Variants in SEPTIN7 observed in about 807,000 individuals in gnomAD.
SEPTIN7 encodes the protein septin 7, also known as septin-7.
In SEPTIN7, 10 loss-of-function variants were observed where a neutral mutation model predicts 63.3. The ratio of observed to expected loss-of-function variants is 0.16; its 90% confidence interval spans 0.10 to 0.27. SEPTIN7 has a LOEUF of 0.27. SEPTIN7 is among the 10% of genes least tolerant of loss of function. The pLI, the probability that SEPTIN7 is intolerant of heterozygous loss-of-function variation, is 1.00. For missense variants in SEPTIN7, 310 were observed against 521.0 expected (o/e 0.59, Z 3.94); for synonymous variants, 131 against 165.3 (o/e 0.79, Z 1.59).
intron 13 of SEPTIN7, among the ~76,000 whole-genome samples, chr7:35,903,582 A>C (rs1788450353): frequency 6.6e-6 from 1 of 152,134 alleles, no homozygotes; most frequent in South Asian, 2.1e-4. Context: ...TCTATTACAT[A>C]TTTAGGGGTA....
At chr7:35,803,398 T>TG (rs1788123427) in intron 1 of SEPTIN7, among the ~76,000 whole-genome samples, 1 of 152,048 alleles carries the variant, frequency 6.6e-6, no homozygotes. Context: ...CAACAAAGCT[T>TG]GGGGGAGAAG....
intron 11 of SEPTIN7, among the ~76,000 whole-genome samples, chr7:35,891,524 A>G (rs1046340928): frequency 3.9e-5 from 6 of 152,192 alleles, no homozygotes; most frequent in African/African-American, 1.2e-4. Context: ...GTATCTAAAC[A>G]TAGAAAAGGT....
chr7:35,824,161 C>G (rs1030693928), intron 1 of SEPTIN7, among the ~76,000 whole-genome samples: 2 of 151,942 alleles, frequency 1.3e-5, no homozygotes, highest in African/African-American at 4.8e-5. Flanking sequence ...AGTCTGCCTT[C>G]TTCCCCTATC....
chr7:35,823,109 AAG>A (rs1424166687), intron 1 of SEPTIN7, among the ~76,000 whole-genome samples: 3 of 152,198 alleles, frequency 2.0e-5, no homozygotes, highest in Non-Finnish European at 4.4e-5. Context: ...ATATTAAAAA[AAG>A]AAATAATAAC....
intron 3 of SEPTIN7, among the ~76,000 whole-genome samples, chr7:35,841,892 T>A (rs1013111024): frequency 2.6e-5 from 4 of 152,246 alleles, no homozygotes; most frequent in African/African-American, 9.6e-5. Flanking sequence ...GTCTAGGTCA[T>A]GGAGGCCAAA....
intron 1 of SEPTIN7, among the ~76,000 whole-genome samples, chr7:35,809,135 C>T (rs902126549): frequency 1.3e-5 from 2 of 152,188 alleles, no homozygotes; most frequent in African/African-American, 4.8e-5. Flanking sequence ...TTAACAAATA[C>T]ACGTTTTGTA....
the SEPTIN7 span, among the ~76,000 whole-genome samples, chr7:35,914,680 CACACAT>C: frequency 1.3e-5 from 2 of 151,794 alleles, no homozygotes; most frequent in African/African-American, 4.8e-5. Flanking sequence ...TATACACACA[CACACAT>C]AAATATATAT....
At chr7:35,915,463 C>T in the SEPTIN7 span, among the ~76,000 whole-genome samples, 1 of 152,206 alleles carries the variant, frequency 6.6e-6, no homozygotes, top group East Asian at 1.9e-4. Flanking sequence ...TTGCTGCAGG[C>T]ACTGACCAAT....
At position 35,905,541 on chromosome 7, in the gene SEPTIN7, C is replaced by T. The variant is rs1047553303; in HGVS notation, c.*1248C>T. 4.6e-5 allele frequency: 7 copies of T among 152,028 alleles called. No individual in the cohort carries two copies. The highest frequency in any genetic ancestry group is 1.3e-4 in the Admixed American group (2 of 15,260). 9.4% of individuals were successfully genotyped at this position (152,028 alleles called of 1,614,324 possible). ...GAGAACATTTTTTTTTTCCCCCAGA[C>T]AGGGTCTTGCTTCATTGCCCAGGCT... On this transcript the variant is annotated 3_prime_UTR_variant, in exon 14 of 14. Transcript: ENST00000350320.
At chr7:35,805,399 C>T (rs1251935261) in intron 1 of SEPTIN7, among the ~76,000 whole-genome samples, 1 of 152,034 alleles carries the variant, frequency 6.6e-6, no homozygotes, top group African/African-American at 2.4e-5. Flanking sequence ...ACTATAAGCC[C>T]CAATTTTTTA....
intron 4 of SEPTIN7, among the ~76,000 whole-genome samples, chr7:35,868,331 G>A (rs2467050): frequency 0.8 from 122,289 of 152,174 alleles, 49,304 homozygotes; most frequent in Middle Eastern, 0.85. Context: ...CCTGTTGACA[G>A]CTGGTCCAGT....
At chr7:35,863,512 G>A in intron 3 of SEPTIN7, 40 bp from the exon 4 acceptor site, 1 of 1,235,976 alleles carries the variant, frequency 8.1e-7, no homozygotes, top group Non-Finnish European at 1.2e-6. Context: ...ATTGCGTAAA[G>A]TGGGTGAGTT....
At chr7:35,813,964 G>A (rs554184046) in intron 1 of SEPTIN7, among the ~76,000 whole-genome samples, 17 of 152,140 alleles carry the variant, frequency 1.1e-4, no homozygotes, top group African/African-American at 4.1e-4. Context: ...TAGTATTGCT[G>A]CTAAGTCATT....
At chr7:35,859,476 G>A (rs370698087) in intron 3 of SEPTIN7, among the ~76,000 whole-genome samples, 1 of 152,228 alleles carries the variant, frequency 6.6e-6, no homozygotes, top group East Asian at 1.9e-4. Context: ...GTTGTTGGAT[G>A]CAGTGTTTTG....
intron 3 of SEPTIN7, among the ~76,000 whole-genome samples, chr7:35,861,659 A>C (rs17171997): frequency 0.01 from 1,562 of 152,244 alleles, 32 homozygotes; most frequent in East Asian, 0.079. Context: ...TTATGCCCCA[A>C]ACATCTATTG....
Position 35,829,526 on chromosome 7 carries a change from A to T in SEPTIN7, c.62-1966A>T, listed in dbSNP as rs552771817. Among the ~76,000 whole-genome samples, 24 of 152,278 alleles carry T rather than the reference A, an allele frequency of 1.6e-4. No individual in the cohort carries two copies. The South Asian group carries it at 4.8e-3, about 30-fold the overall frequency. On this transcript the variant is annotated intron_variant, in intron 1 of 13. Coordinates refer to ENST00000350320, the MANE Select transcript of SEPTIN7 (RefSeq NM_001788.6). The stretch of plus-strand genomic sequence containing the variant: ...CCAAAGACTGTTCTTGTTGCTAAGG[A>T]TAAAGCAGTGAATAAGAGACAAGGG...
intron 3 of SEPTIN7, among the ~76,000 whole-genome samples, chr7:35,852,423 G>A (rs1230998747): frequency 6.6e-6 from 1 of 151,816 alleles, no homozygotes; most frequent in African/African-American, 2.4e-5. Flanking sequence ...AAAAAAATGA[G>A]ATAACTTGGA....
At chr7:35,882,454 C>A in intron 7 of SEPTIN7, 30 bp from the exon 8 acceptor site, 1 of 1,413,444 alleles carries the variant, frequency 7.1e-7, no homozygotes, top group Non-Finnish European at 9.4e-7. Context: ...ATGTATGGTG[C>A]TCTTTTGCTG....
chr7:35,873,997 C>T (rs1002277727), intron 6 of SEPTIN7: 31 of 434,462 alleles, frequency 7.1e-5, no homozygotes, highest in Middle Eastern at 5.8e-4. Flanking sequence ...AGGATTTTCC[C>T]TGCTTCATGA....
Sources: gnomAD v4.1 joint callset for allele counts (sites outside exome capture counted in the v4.1 genomes callset) on GRCh38, gnomAD v4.1.1 for gene constraint, MANE v1.5 for transcripts, NCBI Gene and HGNC (gene_info 2026-07-23, HGNC 2026-07-21) for gene names.